Variants in PCDH11X observed in about 807,000 individuals in gnomAD.
PCDH11X encodes protocadherin 11 X-linked, also known as protocadherin-11 X-linked.
Under a neutral mutation model 53.3 loss-of-function variants are expected in PCDH11X, and 18 were observed. The ratio of observed to expected loss-of-function variants is 0.34; its 90% CI spans 0.23 to 0.50. PCDH11X has a LOEUF of 0.50. Ranked by LOEUF, PCDH11X falls within the 20% of genes least tolerant of loss-of-function variation. PCDH11X has a pLI of 0.98. For synonymous variants in PCDH11X, 279 were observed against 393.3 expected, an observed-to-expected ratio of 0.71 and a Z score of 3.44; for missense variants, 570 against 1,032.4, an observed-to-expected ratio of 0.55 and a Z score of 6.14.
At chrX:92,092,626 GT>G (rs2064067416) in intron 6 of PCDH11X, among the ~76,000 whole-genome samples, 1 of 111,324 alleles carries the variant, frequency 9.0e-6, no homozygotes, top group Non-Finnish European at 1.9e-5. Flanking sequence ...TGAGACAAAC[GT>G]TTGCATTATT....
intron 10 of PCDH11X, among the ~76,000 whole-genome samples, chrX:92,556,225 T>G (rs1039006333): frequency 3.6e-5 from 4 of 110,814 alleles, no homozygotes; most frequent in Non-Finnish European, 7.6e-5. Context: ...CCAAATCTTA[T>G]ATACTCACAT....
intron 10 of PCDH11X, among the ~76,000 whole-genome samples, chrX:92,560,164 T>G (rs1044249328): frequency 8.9e-6 from 1 of 112,105 alleles, no homozygotes; most frequent in African/African-American, 3.2e-5. Flanking sequence ...TCCCCCTTTC[T>G]AGGCTCTGTC....
intron 6 of PCDH11X, among the ~76,000 whole-genome samples, chrX:92,047,943 C>A (rs1277592094): frequency 9.0e-6 from 1 of 111,508 alleles, no homozygotes; most frequent in Non-Finnish European, 1.9e-5. Context: ...CAATGGAAAG[C>A]TGCCTGGGAG....
At chrX:92,133,366 T>C (rs2065028123) in intron 6 of PCDH11X, among the ~76,000 whole-genome samples, 1 of 111,498 alleles carries the variant, frequency 9.0e-6, no homozygotes, top group Admixed American at 9.6e-5. Context: ...TGCTGTTTAT[T>C]TTTTTTCTTT....
intron 6 of PCDH11X, among the ~76,000 whole-genome samples, chrX:92,130,389 G>A (rs754148533): frequency 1.8e-5 from 2 of 110,928 alleles, no homozygotes; most frequent in East Asian, 5.7e-4. Flanking sequence ...GCTCATGCCT[G>A]TAATCATGCC....
intron 6 of PCDH11X, among the ~76,000 whole-genome samples, chrX:92,077,817 A>C: frequency 9.0e-6 from 1 of 110,860 alleles, no homozygotes; most frequent in East Asian, 2.9e-4. Flanking sequence ...AAATATTTCC[A>C]GTTTGGCAAA....
chrX:92,590,270 A>T (rs2148796584), intron 10 of PCDH11X, among the ~76,000 whole-genome samples: 1 of 111,120 alleles, frequency 9.0e-6, no homozygotes, highest in South Asian at 3.8e-4. Context: ...GGTGGCTGGC[A>T]TCATGTCTAT....
intron 9 of PCDH11X, among the ~76,000 whole-genome samples, chrX:92,412,505 AATAGTAT>A (rs1248012580): frequency 0.024 from 1,532 of 63,218 alleles, 41 homozygotes; most frequent in African/African-American, 0.073. Flanking sequence ...AAATAAAGAA[AATAGTAT>A]ATATATATAT....
At chrX:92,022,572 A>G (rs2062903295) in intron 6 of PCDH11X, among the ~76,000 whole-genome samples, 1 of 102,250 alleles carries the variant, frequency 9.8e-6, no homozygotes, top group Non-Finnish European at 1.9e-5. Flanking sequence ...CTGACACACA[A>G]TAATAGTGGA....
At chrX:92,039,464 A>G (rs1450631374) in intron 6 of PCDH11X, among the ~76,000 whole-genome samples, 1 of 110,243 alleles carries the variant, frequency 9.1e-6, no homozygotes, top group African/African-American at 3.3e-5. Flanking sequence ...CCCTTTTCAC[A>G]GGCAGAGGAG....
chrX:92,598,677 T>C (rs1449609325), intron 10 of PCDH11X, among the ~76,000 whole-genome samples: 4 of 93,537 alleles, frequency 4.3e-5, no homozygotes, highest in Non-Finnish European at 8.3e-5. Flanking sequence ...AGCTACTATA[T>C]GATTCAACAA....
chrX:92,532,717 G>T (rs4020612), intron 10 of PCDH11X, among the ~76,000 whole-genome samples: 1 of 106,876 alleles, frequency 9.4e-6, no homozygotes, highest in Non-Finnish European at 1.9e-5. Flanking sequence ...CACCAATTCT[G>T]CCCCTGTATT....
chrX:91,985,037 T>A (rs1388392399), intron 6 of PCDH11X, among the ~76,000 whole-genome samples: 2 of 111,658 alleles, frequency 1.8e-5, no homozygotes, highest in East Asian at 5.6e-4. Flanking sequence ...GTCAGGACTT[T>A]TTTTGTGTTG....
chrX:92,211,401 G>T (rs1172583189), intron 7 of PCDH11X, among the ~76,000 whole-genome samples: 1 of 111,478 alleles, frequency 9.0e-6, no homozygotes, highest in Non-Finnish European at 1.9e-5. Context: ...CTTCCTACCA[G>T]GTCCCTCCCT....
chrX:92,171,106 A>G (rs1253198082), intron 6 of PCDH11X, among the ~76,000 whole-genome samples: 1 of 103,988 alleles, frequency 9.6e-6, no homozygotes, highest in Non-Finnish European at 2.0e-5. Flanking sequence ...TGTCGGCCTA[A>G]AAACTTGATT....
chrX:92,353,569 A>G (rs1262277770), intron 8 of PCDH11X, among the ~76,000 whole-genome samples: 1 of 110,940 alleles, frequency 9.0e-6, no homozygotes, highest in Non-Finnish European at 1.9e-5. Flanking sequence ...TAATTCATTC[A>G]GGAATGACTC....
At chrX:92,244,735 C>T (rs2067317507) in intron 7 of PCDH11X, among the ~76,000 whole-genome samples, 1 of 111,272 alleles carries the variant, frequency 9.0e-6, no homozygotes, top group South Asian at 3.8e-4. Flanking sequence ...AAGTAACTTT[C>T]CCACGGTCAT....
At chrX:92,073,231 T>G (rs2063728910) in intron 6 of PCDH11X, among the ~76,000 whole-genome samples, 1 of 112,056 alleles carries the variant, frequency 8.9e-6, no homozygotes, top group South Asian at 3.7e-4. Flanking sequence ...TCAATGCTTC[T>G]TTCCAGGTTA....
chrX:91,797,095 C>T (rs1213135139), intron 1 of PCDH11X, among the ~76,000 whole-genome samples: 3 of 109,676 alleles, frequency 2.7e-5, no homozygotes, highest in East Asian at 2.8e-4. Flanking sequence ...TGCAGAACAC[C>T]GTGCCTTGAG....
Sources: allele counts gnomAD v4.1 joint callset (sites outside exome capture counted in the v4.1 genomes callset), GRCh38; gene constraint gnomAD v4.1.1; transcripts MANE v1.5; gene names NCBI Gene and HGNC (gene_info 2026-07-23, HGNC 2026-07-21).